ANK3: variants seen among roughly 807,000 people sequenced by gnomAD.
The protein encoded by ANK3 is ankyrin-3.
A neutral mutation model predicts 370.9 loss-of-function variants in ANK3; 57 were observed. The ratio of observed to expected loss-of-function variants is 0.15; its 90% CI spans 0.12 to 0.19. The LOEUF (loss-of-function observed/expected upper bound fraction) is 0.19. Among genes scored for constraint, ANK3 ranks in the 10% least tolerant of loss-of-function variants. The pLI is 1.00. For synonymous variants in ANK3, 1,929 were observed against 1,946.3 expected, an observed-to-expected ratio of 0.99 and a Z score of 0.23; for missense variants, 4,439 against 5,302.1, an observed-to-expected ratio of 0.84 and a Z score of 5.06.
intron 1 of ANK3, among the ~76,000 whole-genome samples, chr10:60,697,528 A>G (rs1196842508): frequency 6.7e-6 from 1 of 149,730 alleles, no homozygotes; most frequent in Non-Finnish European, 1.5e-5. Flanking sequence ...AGTAACCAAA[A>G]CAGCATGGTA....
intron 8 of ANK3, among the ~76,000 whole-genome samples, chr10:60,225,537 T>C (rs759082148): frequency 8.5e-5 from 13 of 152,186 alleles, no homozygotes; most frequent in African/African-American, 3.1e-4. Flanking sequence ...ACTGGGTTCC[T>C]TCTACTATGC....
In ANK3 at chr10:60,116,602, A is replaced by G. The variant is rs552302056; in HGVS notation, c.2842-2271T>C. 6.9e-3 allele frequency among the ~76,000 whole-genome samples: 1,042 copies of G among 152,052 alleles called. 50 individuals carry two copies. Among genetic ancestry groups the G allele is most frequent in the Admixed American group, 0.061 (930 of 15,262 alleles). ...ACAATAGACTACTTATTAAAAAAAA[A>G]AGAAACATTTAGGGAAAAATAACTC... is the stretch of plus-strand genomic sequence containing the variant. On this transcript the variant is annotated intron_variant, in intron 25 of 43. Transcript: ENST00000280772.
intron 24 of ANK3, among the ~76,000 whole-genome samples, chr10:60,136,801 G>A (rs529596110): frequency 1.8e-4 from 28 of 152,034 alleles, no homozygotes; most frequent in Non-Finnish European, 3.1e-4. Flanking sequence ...AGTTTCACTC[G>A]GAATCCTTAA....
intron 2 of ANK3, among the ~76,000 whole-genome samples, chr10:60,548,745 T>C (rs560316343): frequency 2.0e-5 from 3 of 152,302 alleles, no homozygotes; most frequent in African/African-American, 7.2e-5. Context: ...ATTTACATTC[T>C]ATGTAAATTA....
At chr10:60,566,118 G>A (rs1055628994) in intron 2 of ANK3, among the ~76,000 whole-genome samples, 3 of 152,062 alleles carry the variant, frequency 2.0e-5, no homozygotes, top group African/African-American at 7.2e-5. Context: ...GATGTTTGAA[G>A]TTACTATTAA....
chr10:60,088,970 C>T (rs912837648), intron 28 of ANK3, among the ~76,000 whole-genome samples: 3 of 152,008 alleles, frequency 2.0e-5, no homozygotes, highest in Non-Finnish European at 4.4e-5. Flanking sequence ...CAATAATTTG[C>T]CCCCAAGCTG....
At chr10:60,689,958 T>C (rs1175095208) in intron 1 of ANK3, among the ~76,000 whole-genome samples, 1 of 152,210 alleles carries the variant, frequency 6.6e-6, no homozygotes, top group African/African-American at 2.4e-5. Flanking sequence ...GATGCAAACA[T>C]GCCATTGTAG....
chr10:60,150,538 GC>G (rs1171800443), intron 23 of ANK3, among the ~76,000 whole-genome samples: 1 of 152,110 alleles, frequency 6.6e-6, no homozygotes. Context: ...TGAAATTTGA[GC>G]CCCAGTGTTG....
chr10:60,534,439 A>G (rs990010844), intron 2 of ANK3, among the ~76,000 whole-genome samples: 1 of 152,144 alleles, frequency 6.6e-6, no homozygotes, highest in African/African-American at 2.4e-5. Flanking sequence ...TACACGGTAA[A>G]AGATAAATGG....
At chr10:60,410,166 TA>T (rs1477637765) in intron 2 of ANK3, among the ~76,000 whole-genome samples, 1 of 152,094 alleles carries the variant, frequency 6.6e-6, no homozygotes, top group East Asian at 1.9e-4. Flanking sequence ...TGGTGGCTCA[TA>T]CCTGTAATCC....
Position 60,203,117 on chromosome 10 carries a change from A to G in ANK3, c.1294-17T>C. The G allele has an allele frequency of 2.5e-6, 4 of 1,593,952 alleles. No homozygotes were observed. Among genetic ancestry groups the G allele is most frequent in the Non-Finnish European group, 3.4e-6 (4 of 1,163,624 alleles). ...AAGGCCCGACTAAGGGGAAAAGAAG[A>G]AAATGGTGGTTTGTTGGCTTAGCAT... On this transcript the variant is annotated splice_polypyrimidine_tract_variant and intron_variant, in intron 11 of 43. Transcript: ENST00000280772.
intron 1 of ANK3, among the ~76,000 whole-genome samples, chr10:60,332,470 T>A (rs1034100953): frequency 1.3e-5 from 2 of 152,186 alleles, no homozygotes; most frequent in Non-Finnish European, 1.5e-5. Flanking sequence ...AGCACTTATT[T>A]TTCTAACTTT....
chr10:60,453,737 C>T (rs1567053545), intron 2 of ANK3, among the ~76,000 whole-genome samples: 2 of 152,098 alleles, frequency 1.3e-5, no homozygotes, highest in Non-Finnish European at 2.9e-5. Context: ...GGCACACACA[C>T]ACAGACAGAC....
intron 2 of ANK3, among the ~76,000 whole-genome samples, chr10:60,429,098 A>C (rs752784836): frequency 4.6e-5 from 7 of 152,174 alleles, no homozygotes; most frequent in Non-Finnish European, 7.3e-5. Context: ...ACCCCATCTC[A>C]GGTATTTTAT....
intron 1 of ANK3, among the ~76,000 whole-genome samples, chr10:60,623,699 G>A (rs1184105861): frequency 1.3e-5 from 2 of 152,178 alleles, no homozygotes; most frequent in East Asian, 1.9e-4. Context: ...GGAAGTAGAT[G>A]AAGGACCTCA....
intron 43 of ANK3, among the ~76,000 whole-genome samples, chr10:60,040,353 G>C (rs777123017): frequency 6.6e-6 from 1 of 151,412 alleles, no homozygotes; most frequent in African/African-American, 2.4e-5. Flanking sequence ...TTTGCAAATT[G>C]ATTTTTCCGG....
intron 1 of ANK3, among the ~76,000 whole-genome samples, chr10:60,682,007 T>C (rs2079202334): frequency 6.6e-6 from 1 of 152,010 alleles, no homozygotes; most frequent in African/African-American, 2.4e-5. Context: ...AAAAATTAGC[T>C]GGGCATGATG....
chr10:60,684,615 A>T, intron 1 of ANK3: 1 of 1,590,222 alleles, frequency 6.3e-7, no homozygotes, highest in Non-Finnish European at 8.6e-7. Flanking sequence ...CAACTGTCTT[A>T]TACAGGCTGC....
chr10:60,139,926 TTCTCAAAAG>T (rs1463478504), intron 23 of ANK3: 2 of 178,232 alleles, frequency 1.1e-5, no homozygotes, highest in Non-Finnish European at 2.3e-5. Flanking sequence ...TTTCCCATCC[TTCTCAAAAG>T]GTAGCACAGG....
Sources: allele counts gnomAD v4.1 joint callset (sites outside exome capture counted in the v4.1 genomes callset), GRCh38; gene constraint gnomAD v4.1.1; transcripts MANE v1.5; gene names NCBI Gene and HGNC (gene_info 2026-07-23, HGNC 2026-07-21).